The following BRF1 variants were observed in gnomAD, a reference collection of about 807,000 sequenced individuals.
BRF1 encodes BRF1 general transcription factor IIIB subunit.
BRF1 carries 59 observed loss-of-function variants against 81.7 expected under a neutral mutation model. The ratio of observed to expected loss-of-function variants is 0.72; its 90% CI spans 0.59 to 0.90. The LOEUF is 0.90. BRF1 is among the 40% of genes least tolerant of loss of function. The pLI, the probability that BRF1 is intolerant of heterozygous loss-of-function variation, is 0.00. For synonymous variants in BRF1, 491 were observed against 395.6 expected, an observed-to-expected ratio of 1.24 and a Z score of -2.86; for missense variants, 1,050 against 936.3, an observed-to-expected ratio of 1.12 and a Z score of -1.58.
rs587729351 is a variant in BRF1 at position 105,229,610 on chromosome 14, G to C, written c.695-697C>G. On this transcript the variant is annotated intron_variant, in intron 6 of 17. Transcript: ENST00000547530. ...GACAGCTGCGACCTGGGGGGTCACA[G>C]AGGTCCAACTAGAACAGTCGCCCAG... is the stretch of plus-strand genomic sequence containing the variant. Among the ~76,000 whole-genome samples, 176 of 152,334 alleles carry C rather than the reference G, an allele frequency of 1.2e-3. 1 individual carries two copies. Among genetic ancestry groups the C allele is most frequent in the African/African-American group, 3.9e-3 (164 of 41,574 alleles).
chr14:105,312,480 G>A (rs1330216330), intron 1 of BRF1, among the ~76,000 whole-genome samples: 2 of 152,158 alleles, frequency 1.3e-5, no homozygotes, highest in African/African-American at 4.8e-5. Flanking sequence ...CCAGTCATCC[G>A]AGAGGTTTGT....
chr14:105,250,695 G>C (rs587691172), intron 5 of BRF1: 2 of 1,589,976 alleles, frequency 1.3e-6, no homozygotes, highest in Non-Finnish European at 8.6e-7. Context: ...GGCTGCAGCA[G>C]GTCAGCGAGT....
chr14:105,247,796 C>A, intron 5 of BRF1: 1 of 985,588 alleles, frequency 1.0e-6, no homozygotes, highest in East Asian at 1.1e-4. Flanking sequence ...TGCACGCGAG[C>A]TTGGCATGCA....
At chr14:105,280,005 A>G (rs950590720) in intron 2 of BRF1, among the ~76,000 whole-genome samples, 1 of 152,250 alleles carries the variant, frequency 6.6e-6, no homozygotes, top group Non-Finnish European at 1.5e-5. Context: ...AAAATGGCTC[A>G]GGTGCTTTGG....
chr14:105,215,418 ACACT>A (rs1366485688), intron 15 of BRF1, among the ~76,000 whole-genome samples: 63 of 152,168 alleles, frequency 4.1e-4, no homozygotes, highest in South Asian at 4.2e-4. Context: ...ACATGCACAC[ACACT>A]ATGTGCAGTC....
chr14:105,280,028 C>T (rs983428852), intron 2 of BRF1, among the ~76,000 whole-genome samples: 1 of 152,204 alleles, frequency 6.6e-6, no homozygotes, highest in African/African-American at 2.4e-5. Flanking sequence ...AAGGGTTTGG[C>T]AGTTTCTTAC....
chr14:105,308,481 CTT>C (rs1227708197), intron 1 of BRF1, among the ~76,000 whole-genome samples: 18 of 124,550 alleles, frequency 1.4e-4, no homozygotes, highest in Admixed American at 2.4e-4. Flanking sequence ...CAGATTCTGT[CTT>C]TTTTTTTTTT....
rs757925995 is a variant in BRF1, at chr14:105,241,294, C to T, written c.665G>A (p.Gly222Asp). Residue 222 changes from glycine to aspartate, a missense_variant, in exon 6 of 18, where the codon GGC (glycine) becomes GAC (aspartate). This residue lies in a region of BRF1 where 1,043 missense variants were observed against 915.4 expected (regional missense o/e 1.14). Coordinates refer to ENST00000547530, the MANE Select transcript of BRF1 (RefSeq NM_001519.4). Reference sequence around the variant, plus strand: ...TCCGCAGAGGCCCGAGGGGCGCCGGCCTGTGTGCATCCAGTCCCGCTTCAT... The same window carrying T: ...TCCGCAGAGGCCCGAGGGGCGCCGGTCTGTGTGCATCCAGTCCCGCTTCAT... ...QRMKRDWMHT[G>D]RRPSGLCGAA... is the part of the protein sequence containing the mutation. 1.2e-6 allele frequency: 2 copies of T among 1,612,494 alleles called. No individual in the cohort carries two copies. Among genetic ancestry groups the T allele is most frequent in the South Asian group, 1.1e-5 (1 of 91,086 alleles).
intron 4 of BRF1, 57 bp downstream of exon 4, chr14:105,256,461 C>T (rs1466889901): frequency 1.2e-6 from 2 of 1,613,974 alleles, no homozygotes; most frequent in South Asian, 2.2e-5. Context: ...CAACCCTGGT[C>T]ACAACCCCCA....
Position 105,296,785 on chromosome 14 carries a change from G to C in BRF1, c.184+3661C>G, listed in dbSNP as rs145316159. On this transcript the variant is annotated intron_variant, in intron 1 of 17. Transcript: ENST00000547530. ...AAATCAACCATATTTATATAAACAA[G>C]CAATGAAGAGTTGAAAACTAAATTA... is the stretch of plus-strand genomic sequence containing the variant. 3.3e-3 allele frequency among the ~76,000 whole-genome samples: 503 copies of C among 150,682 alleles called. 3 individuals are homozygous for C. The highest frequency in any genetic ancestry group is 0.015 in the East Asian group (76 of 5,156).
intron 4 of BRF1, among the ~76,000 whole-genome samples, chr14:105,253,797 G>C (rs2015978): frequency 0.25 from 38,027 of 152,204 alleles, 5,008 homozygotes; most frequent in South Asian, 0.28. Flanking sequence ...GGCTCACAGA[G>C]TGTGCCTTCT....
At chr14:105,247,858 C>T in intron 5 of BRF1, 1 of 985,716 alleles carries the variant, frequency 1.0e-6, no homozygotes, top group Middle Eastern at 5.2e-4. Flanking sequence ...CTGGTCTCCT[C>T]ATCAGCAAAG....
In BRF1 at chr14:105,220,144, C is replaced by G. The variant is rs1305333397; in HGVS notation, c.1316-14G>C. 6.2e-7 allele frequency: 1 copy of G among 1,613,286 alleles called. No individual in the cohort carries two copies. The highest frequency in any genetic ancestry group is 2.2e-5 in the East Asian group (1 of 44,870). The stretch of plus-strand genomic sequence containing the variant: ...CTGAAGCATCTTCTGGAGGGAAGCA[C>G]AGCATCCGCGTCACTCAGGGCCAGC... On this transcript the variant is annotated splice_polypyrimidine_tract_variant and intron_variant, in intron 11 of 17. Coordinates refer to ENST00000547530, the MANE Select transcript of BRF1 (RefSeq NM_001519.4).
intron 4 of BRF1, among the ~76,000 whole-genome samples, chr14:105,254,700 T>C (rs2055780482): frequency 6.6e-6 from 1 of 152,118 alleles, no homozygotes; most frequent in South Asian, 2.1e-4. Context: ...TAGCTGGGAT[T>C]ATAGGCATCC....
At chr14:105,256,245 T>C (rs2055859912) in intron 4 of BRF1, 3 of 1,541,614 alleles carry the variant, frequency 1.9e-6, no homozygotes, top group Admixed American at 2.0e-5. Context: ...AAAAGTTCAC[T>C]GTTCACCCAG....
At chr14:105,252,936 C>A (rs1407465539) in intron 4 of BRF1, among the ~76,000 whole-genome samples, 1 of 152,254 alleles carries the variant, frequency 6.6e-6, no homozygotes, top group Non-Finnish European at 1.5e-5. Flanking sequence ...CATGTGCTCC[C>A]ACCAGCCACA....
chr14:105,215,628 C>T (rs1891029878), intron 15 of BRF1, among the ~76,000 whole-genome samples: 1 of 150,784 alleles, frequency 6.6e-6, no homozygotes, highest in African/African-American at 2.4e-5. Flanking sequence ...GGCACACACA[C>T]ACTGCATACA....
chr14:105,286,183 A>T, intron 2 of BRF1, 113 bp downstream of exon 2: 1 of 1,191,606 alleles, frequency 8.4e-7, no homozygotes, highest in Non-Finnish European at 1.2e-6. Flanking sequence ...CAGGGTGACG[A>T]GGAAGTGGCA....
intron 5 of BRF1, chr14:105,250,516 C>G (rs144025748): frequency 1.8e-4 from 289 of 1,613,958 alleles, no homozygotes; most frequent in Admixed American, 3.7e-4. Context: ...CGGCCAGTGC[C>G]GTCCTGGACG....
Sources: allele counts gnomAD v4.1 joint callset (sites outside exome capture counted in the v4.1 genomes callset), GRCh38; gene constraint gnomAD v4.1.1; regional missense constraint gnomAD v4.1.1; transcripts MANE v1.5; gene names NCBI Gene and HGNC (gene_info 2026-07-23, HGNC 2026-07-21).